Variants in SAMD5 observed in about 807,000 individuals in gnomAD.
SAMD5 encodes sterile alpha motif domain-containing protein 5.
SAMD5 carries 13 observed loss-of-function variants against 11.3 expected under a neutral mutation model. The observed-to-expected ratio is 1.15, with a 90% confidence interval of 0.75 to 1.83. SAMD5 has a LOEUF of 1.83. Among genes scored for constraint, SAMD5 ranks in the 40% most tolerant of loss-of-function variants. The probability of loss-of-function intolerance (pLI) is 0.00; values close to 1 mark genes in which losing one functional copy is unlikely to be tolerated. For synonymous variants in SAMD5, 129 were observed against 111.3 expected (o/e 1.16, Z -1.00); for missense variants, 255 against 239.1 (o/e 1.07, Z -0.44).
the SAMD5 span, among the ~76,000 whole-genome samples, chr6:147,755,282 C>G: frequency 1.3e-5 from 2 of 152,010 alleles, no homozygotes; most frequent in South Asian, 4.1e-4. Flanking sequence ...ACTTCTTTGG[C>G]TAAGTTAATT....
chr6:147,936,100 G>A, the SAMD5 span, among the ~76,000 whole-genome samples: 1 of 152,126 alleles, frequency 6.6e-6, no homozygotes, highest in Non-Finnish European at 1.5e-5. Context: ...ACAGTCACGA[G>A]TAGTTTCTCG....
At chr6:147,950,939 T>G in the SAMD5 span, among the ~76,000 whole-genome samples, 1 of 151,750 alleles carries the variant, frequency 6.6e-6, no homozygotes, top group African/African-American at 2.4e-5. Context: ...AAGGGTGTTC[T>G]GCTTTCTTTA....
At chr6:147,778,045 A>G in the SAMD5 span, among the ~76,000 whole-genome samples, 1 of 152,190 alleles carries the variant, frequency 6.6e-6, no homozygotes, top group African/African-American at 2.4e-5. Flanking sequence ...GGAACTGCAA[A>G]ACTGTTTTCC....
intron 1 of SAMD5, among the ~76,000 whole-genome samples, chr6:147,561,844 G>A (rs1287360440): frequency 6.6e-6 from 1 of 152,088 alleles, no homozygotes; most frequent in Non-Finnish European, 1.5e-5. Context: ...AAAGAATGAC[G>A]GCGCATTCGG....
chr6:147,737,239 C>T (rs1791817402), intron 1 of SAMD5: 2 of 792,066 alleles, frequency 2.5e-6, no homozygotes, highest in East Asian at 7.1e-5. Context: ...TTTTCAGTTC[C>T]CCCTTCACCG....
intron 1 of SAMD5, among the ~76,000 whole-genome samples, chr6:147,716,423 A>C (rs1043359031): frequency 1.3e-5 from 2 of 152,182 alleles, no homozygotes; most frequent in African/African-American, 4.8e-5. Flanking sequence ...GGCCCCTGAG[A>C]GTGCAGAGAT....
intron 1 of SAMD5, chr6:147,730,074 C>CATAAAA: frequency 3.3e-6 from 1 of 305,112 alleles, no homozygotes; most frequent in South Asian, 2.4e-5. Context: ...GACTCTGTCT[C>CATAAAA]AAAAAAAAAA....
the SAMD5 span, among the ~76,000 whole-genome samples, chr6:147,909,624 CTTTCTT>C: frequency 1.5e-5 from 1 of 68,874 alleles, no homozygotes; most frequent in African/African-American, 8.9e-5. Context: ...TTCTTTCTTT[CTTTCTT>C]TCTCTTTCTT....
chr6:147,846,766 G>C, the SAMD5 span, among the ~76,000 whole-genome samples: 1 of 152,172 alleles, frequency 6.6e-6, no homozygotes, highest in South Asian at 2.1e-4. Flanking sequence ...GTTGCAGCAC[G>C]CTGAGATCGT....
At chr6:147,896,701 T>A in the SAMD5 span, among the ~76,000 whole-genome samples, 42,359 of 115,580 alleles carry the variant, frequency 0.37, 8,686 homozygotes, top group African/African-American at 0.63. Context: ...GGAGTTTTTT[T>A]AAAAAAATTC....
intron 1 of SAMD5, among the ~76,000 whole-genome samples, chr6:147,555,608 T>C (rs147328448): frequency 1.5e-3 from 236 of 152,350 alleles, no homozygotes; most frequent in African/African-American, 5.5e-3. Context: ...TGTGTCAACA[T>C]TTGGAAGATC....
the SAMD5 span, chr6:147,953,772 T>C: frequency 6.6e-6 from 1 of 152,218 alleles, no homozygotes; most frequent in Non-Finnish European, 1.5e-5. Context: ...ACATATCCAA[T>C]GGTTTATTTG....
intron 1 of SAMD5, among the ~76,000 whole-genome samples, chr6:147,729,395 A>G (rs1296897277): frequency 6.6e-6 from 1 of 152,228 alleles, no homozygotes; most frequent in Non-Finnish European, 1.5e-5. Flanking sequence ...AATATTAAAA[A>G]GTGCCCCAAT....
At chr6:147,751,311 A>T in the SAMD5 span, among the ~76,000 whole-genome samples, 5 of 152,112 alleles carry the variant, frequency 3.3e-5, no homozygotes, top group East Asian at 1.9e-4. Context: ...TTAACATGTT[A>T]TATAGTTTAT....
chr6:147,673,497 G>A (rs1339494079), intron 1 of SAMD5, among the ~76,000 whole-genome samples: 1 of 152,130 alleles, frequency 6.6e-6, no homozygotes, highest in Non-Finnish European at 1.5e-5. Context: ...ACAGGTGTGA[G>A]CCACCGCACC....
intron 1 of SAMD5, among the ~76,000 whole-genome samples, chr6:147,722,165 A>G (rs926683273): frequency 1.1e-4 from 17 of 152,176 alleles, no homozygotes; most frequent in African/African-American, 4.1e-4. Flanking sequence ...TAATTAAATG[A>G]CAGCAATCAC....
At chr6:147,934,988 T>G in the SAMD5 span, among the ~76,000 whole-genome samples, 1 of 152,152 alleles carries the variant, frequency 6.6e-6, no homozygotes, top group Non-Finnish European at 1.5e-5. Flanking sequence ...AGACAACTTG[T>G]GTCAGGACTA....
chr6:147,954,549 C>T, the SAMD5 span, among the ~76,000 whole-genome samples: 1 of 152,140 alleles, frequency 6.6e-6, no homozygotes, highest in Non-Finnish European at 1.5e-5. Flanking sequence ...CCTTCGCATT[C>T]ACCCATCACT....
At chr6:147,574,758 G>T (rs1276547980), downstream of SAMD5, among the ~76,000 whole-genome samples, 1 of 152,184 alleles carries the variant, frequency 6.6e-6, no homozygotes, top group Non-Finnish European at 1.5e-5. Flanking sequence ...TGAATGTTTT[G>T]TGAAGCCTCT....
Sources: allele counts gnomAD v4.1 joint callset (sites outside exome capture counted in the v4.1 genomes callset), GRCh38; gene constraint gnomAD v4.1.1; transcripts MANE v1.5; gene names NCBI Gene and HGNC (gene_info 2026-07-23, HGNC 2026-07-21).